The following ZNF83 variants were observed in gnomAD, a reference collection of about 807,000 sequenced individuals.
The protein encoded by ZNF83 is zinc finger protein 83.
For synonymous variants in ZNF83, 209 were observed against 213.0 expected, an observed-to-expected ratio of 0.98 and a Z score of 0.17; for missense variants, 552 against 629.9, an observed-to-expected ratio of 0.88 and a Z score of 1.32.
intron 1 of ZNF83, among the ~76,000 whole-genome samples, chr19:52,676,235 G>C (rs1396365537): frequency 2.0e-5 from 3 of 152,124 alleles, no homozygotes; most frequent in Non-Finnish European, 2.9e-5. Flanking sequence ...TGCCAGCCTC[G>C]GCCTCCCGAG....
chr19:52,663,587 G>C (rs2061607277), intron 1 of ZNF83, among the ~76,000 whole-genome samples: 1 of 152,172 alleles, frequency 6.6e-6, no homozygotes, highest in Admixed American at 6.5e-5. Context: ...TTTGATGTTA[G>C]TGTAAAGAAA....
intron 2 of ZNF83, among the ~76,000 whole-genome samples, chr19:52,620,270 C>CTCTGTGTGTGTGTGTGTG (rs1555780636): frequency 2.6e-4 from 38 of 144,514 alleles, no homozygotes; most frequent in South Asian, 4.5e-4. Flanking sequence ...GTGTATATCT[C>CTCTGTGTGTGTGTGTGTG]TGTGTGTGTG....
rs778292765 is a variant in ZNF83 at position 52,613,685 on chromosome 19, ACTCAT to A, written c.875_879del (p.Asn292MetfsTer27). The A allele has an allele frequency of 3.8e-4, 527 of 1,392,504 alleles. 28 individuals carry two copies. In the Admixed American group the frequency reaches 0.013, roughly 35 times the overall value. 86.3% of individuals were successfully genotyped at this position (1,392,504 alleles called of 1,614,324 possible). On this transcript the variant is annotated frameshift_variant, in exon 3 of 3. Coordinates refer to ENST00000301096, the Ensembl canonical transcript of ZNF83. ...GACTTGTGACTGAAGACCTTGCCAC[ACTCAT>A]TACATTTGTAAGGTTTCTCTCCAGT... is the stretch of plus-strand genomic sequence containing the variant.
At chr19:52,655,335 C>T (rs3745104) in intron 3 of ZNF83, 65,777 of 423,614 alleles carry the variant, frequency 0.16, 5,878 homozygotes, top group East Asian at 0.3. Context: ...ACGTTCAATT[C>T]TATTAGTCAA....
intron 2 of ZNF83, among the ~76,000 whole-genome samples, chr19:52,625,963 T>G (rs569590335): frequency 1.7e-4 from 26 of 152,322 alleles, no homozygotes; most frequent in African/African-American, 5.1e-4. Context: ...AATTTTGCCT[T>G]GCAAAAGGCC....
upstream of ZNF83, among the ~76,000 whole-genome samples, chr19:52,640,829 T>G (rs329955): frequency 0.8 from 121,290 of 152,148 alleles, 48,978 homozygotes; most frequent in African/African-American, 0.93. Context: ...AGTACAGGTG[T>G]CCTACTACAA....
chr19:52,641,977 C>A (rs58494832), upstream of ZNF83, among the ~76,000 whole-genome samples: 1,093 of 152,282 alleles, frequency 7.2e-3, 15 homozygotes, highest in African/African-American at 0.025. Flanking sequence ...TTATCACATT[C>A]TTTGAGTGAC....
intron 3 of ZNF83, among the ~76,000 whole-genome samples, chr19:52,653,606 G>C (rs534923842): frequency 2.6e-5 from 4 of 152,174 alleles, no homozygotes; most frequent in African/African-American, 7.2e-5. Flanking sequence ...TGCCCTACAA[G>C]GGATGACGTC....
intron 1 of ZNF83, among the ~76,000 whole-genome samples, chr19:52,681,890 C>T (rs1169811540): frequency 2.0e-5 from 3 of 152,190 alleles, no homozygotes; most frequent in Non-Finnish European, 2.9e-5. Flanking sequence ...CTCTGTCAAC[C>T]AGCCTGAAGT....
chr19:52,656,989 G>A (rs1418757239), intron 2 of ZNF83, among the ~76,000 whole-genome samples: 1 of 152,034 alleles, frequency 6.6e-6, no homozygotes, highest in African/African-American at 2.4e-5. Flanking sequence ...GACCTAGAGA[G>A]GACACATCCA....
In ZNF83 at chr19:52,684,298, G is replaced by C. The variant is rs113786073; in HGVS notation, c.-283+6145C>G. ...GGAGAATTGCTTGAACTCTGGTGGT[G>C]GAGGTTGTAGTGAGCCGAGATCACA... is the stretch of plus-strand genomic sequence containing the variant. On this transcript the variant is annotated intron_variant, in intron 1 of 5. Transcript: ENST00000594682. Among the ~76,000 whole-genome samples, 1,449 of 149,960 alleles carry C rather than the reference G, an allele frequency of 9.7e-3. 27 individuals are homozygous for C. Among genetic ancestry groups the C allele is most frequent in the African/African-American group, 0.033 (1,362 of 40,682 alleles).
intron 2 of ZNF83, among the ~76,000 whole-genome samples, chr19:52,658,995 G>A (rs1160920207): frequency 6.6e-6 from 1 of 152,082 alleles, no homozygotes; most frequent in African/African-American, 2.4e-5. Flanking sequence ...CTCTTGGTGT[G>A]CAGGCGATTG....
chr19:52,631,850 C>T (rs1240796792), intron 2 of ZNF83, among the ~76,000 whole-genome samples: 3 of 152,110 alleles, frequency 2.0e-5, no homozygotes, highest in Non-Finnish European at 4.4e-5. Flanking sequence ...CCTCTCATTT[C>T]CTTTCCATCG....
chr19:52,643,271 T>C (rs1432456421), upstream of ZNF83, among the ~76,000 whole-genome samples: 3 of 151,448 alleles, frequency 2.0e-5, no homozygotes, highest in East Asian at 5.8e-4. Context: ...CAAAAATCGC[T>C]TGAACCCAGG....
Position 52,687,535 on chromosome 19 carries a change from A to T in ZNF83, c.-283+2908T>A, listed in dbSNP as rs1255425191. ...TATATATAAATTTTATATATAAATT[A>T]TATATATAAATTATATGTGTAAATT... On this transcript the variant is annotated intron_variant, in intron 1 of 5. Coordinates refer to the ZNF83 transcript ENST00000594682. 1.6e-4 allele frequency among the ~76,000 whole-genome samples: 14 copies of T among 88,116 alleles called. 4 individuals carry two copies. Among genetic ancestry groups the T allele is most frequent in the African/African-American group, 5.6e-4 (13 of 23,082 alleles). The allele number at this position is 88,116 out of a possible 152,430, so 57.8% of individuals were successfully genotyped here.
chr19:52,622,663 A>G (rs540325726), intron 2 of ZNF83, among the ~76,000 whole-genome samples: 7 of 152,346 alleles, frequency 4.6e-5, no homozygotes, highest in African/African-American at 1.7e-4. Flanking sequence ...AACCCAGCCC[A>G]GTTCATGGTT....
At chr19:52,682,229 A>C (rs1568584048) in intron 1 of ZNF83, among the ~76,000 whole-genome samples, 1 of 152,046 alleles carries the variant, frequency 6.6e-6, no homozygotes, top group Non-Finnish European at 1.5e-5. Context: ...AAAAAAACTT[A>C]TTGCAAATGA....
At chr19:52,640,298 G>A (rs1030791515), upstream of ZNF83, among the ~76,000 whole-genome samples, 1 of 152,098 alleles carries the variant, frequency 6.6e-6, no homozygotes, top group Admixed American at 6.5e-5. Context: ...AAATGAGATC[G>A]GCGTTCCAAA....
chr19:52,639,791 A>G (rs2061272268), upstream of ZNF83, among the ~76,000 whole-genome samples: 1 of 152,098 alleles, frequency 6.6e-6, no homozygotes, highest in Non-Finnish European at 1.5e-5. Flanking sequence ...CTTCCCCCCA[A>G]TGAGAAATCA....
Sources: gnomAD v4.1 joint callset for allele counts (sites outside exome capture counted in the v4.1 genomes callset) on GRCh38, gnomAD v4.1.1 for gene constraint, MANE v1.5 for transcripts, NCBI Gene and HGNC (gene_info 2026-07-23, HGNC 2026-07-21) for gene names.